Variants in B4GALNT2 observed in about 807,000 individuals in gnomAD.
B4GALNT2 encodes the protein N-acetylneuraminylgalactosylglucosyl-glucoside beta-1,4-N- acetylgalactosaminyltransferase 2.
In B4GALNT2, 42 loss-of-function variants were observed where a neutral mutation model predicts 51.1. That is an observed-to-expected ratio of 0.82 (90% confidence interval 0.64 to 1.06). B4GALNT2 has a LOEUF of 1.06. Among genes scored for constraint, B4GALNT2 ranks in the 50% least tolerant of loss-of-function variants. The probability of loss-of-function intolerance (pLI) is 0.00; values close to 1 mark genes in which losing one functional copy is unlikely to be tolerated. For missense variants in B4GALNT2, 602 were observed against 633.6 expected, an observed-to-expected ratio of 0.95 and a Z score of 0.54; for synonymous variants, 253 against 251.7, an observed-to-expected ratio of 1.01 and a Z score of -0.05.
intron 9 of B4GALNT2, 72 bp downstream of exon 9, chr17:49,166,326 A>G: frequency 9.9e-7 from 1 of 1,007,154 alleles, no homozygotes; most frequent in Non-Finnish European, 1.4e-6. Flanking sequence ...GAGAGCGGGA[A>G]GAAATATATA....
rs558137085 is a variant in B4GALNT2 at position 49,139,619 on chromosome 17, G to A, written c.15-1628G>A. ...ACAGCCTTGAACTCCTGGGCTCAAG[G>A]GATTCTCCTGACTTAGCCTCCTCAG... On this transcript the variant is annotated intron_variant, in intron 1 of 10. Transcript: ENST00000393354. Among the ~76,000 whole-genome samples, 14 of 152,216 alleles carry A rather than the reference G, an allele frequency of 9.2e-5. No individual in the cohort carries two copies. The South Asian group carries it at 2.9e-3, about 32-fold the overall frequency.
intron 3 of B4GALNT2, among the ~76,000 whole-genome samples, chr17:49,144,854 A>G (rs1435031124): frequency 6.6e-6 from 1 of 152,208 alleles, no homozygotes; most frequent in Non-Finnish European, 1.5e-5. Flanking sequence ...GCTGTCTGCA[A>G]GCTGAGGAGC....
At chr17:49,136,542 A>G in intron 1 of B4GALNT2, among the ~76,000 whole-genome samples, 1 of 150,788 alleles carries the variant, frequency 6.6e-6, no homozygotes, top group African/African-American at 2.4e-5. Context: ...TTATTTATTT[A>G]TTTATTTATT....
chr17:49,132,492 G>A, upstream of B4GALNT2: 1 of 362,192 alleles, frequency 2.8e-6, no homozygotes, highest in Non-Finnish European at 4.9e-6. Flanking sequence ...CGGGGACACA[G>A]CATAGCGAGG....
intron 1 of B4GALNT2, among the ~76,000 whole-genome samples, chr17:49,140,094 A>G (rs946159817): frequency 2.0e-5 from 3 of 149,926 alleles, no homozygotes; most frequent in Non-Finnish European, 4.4e-5. Flanking sequence ...AAAGCAAAAC[A>G]GGATTTTCTT....
intron 4 of B4GALNT2, among the ~76,000 whole-genome samples, chr17:49,155,864 A>G (rs948085117): frequency 3.3e-5 from 5 of 151,532 alleles, no homozygotes; most frequent in Admixed American, 3.3e-4. Flanking sequence ...CCGGGACTAC[A>G]GGCACCCGCC....
At position 49,133,336 on chromosome 17, in the gene B4GALNT2, G is replaced by T. The variant is rs2042558815; in HGVS notation, c.14+530G>T. The T allele has an allele frequency of 7.2e-6, 9 of 1,249,432 alleles. No individual in the cohort carries two copies. In the South Asian group the frequency reaches 1.3e-4, roughly 18 times the overall value. The allele number at this position is 1,249,432 out of a possible 1,614,324, so 77.4% of individuals were successfully genotyped here. A position where few individuals can be genotyped will look rare whatever the true frequency, so the allele number is the denominator to read the frequency against. On this transcript the variant is annotated intron_variant, in intron 1 of 10. Transcript: ENST00000393354. ...GAAAAGTCGGTTTTCAAATCCAGGC[G>T]CCCACCGCAGGGCAGAGTGAGCTGC...
At chr17:49,146,276 G>A (rs1414102849) in intron 3 of B4GALNT2, among the ~76,000 whole-genome samples, 1 of 152,112 alleles carries the variant, frequency 6.6e-6, no homozygotes. Flanking sequence ...TAAGACCAGT[G>A]AATTCCATGA....
intron 4 of B4GALNT2, among the ~76,000 whole-genome samples, chr17:49,155,575 C>T (rs1475431217): frequency 1.3e-5 from 2 of 149,266 alleles, no homozygotes; most frequent in African/African-American, 4.9e-5. Flanking sequence ...GCACTCCAGC[C>T]TGAGCGACAG....
At chr17:49,142,789 G>T (rs145656587) in intron 3 of B4GALNT2, among the ~76,000 whole-genome samples, 1 of 152,126 alleles carries the variant, frequency 6.6e-6, no homozygotes, top group African/African-American at 2.4e-5. Flanking sequence ...ATGCACCCAG[G>T]CCATCATAGC....
At chr17:49,158,132 A>G (rs1567863591) in intron 5 of B4GALNT2, among the ~76,000 whole-genome samples, 1 of 152,174 alleles carries the variant, frequency 6.6e-6, no homozygotes, top group Non-Finnish European at 1.5e-5. Flanking sequence ...TAGAGCAAGG[A>G]GGACTTCCCT....
upstream of B4GALNT2, among the ~76,000 whole-genome samples, chr17:49,131,414 G>A (rs1325531946): frequency 7.1e-6 from 1 of 141,030 alleles, no homozygotes; most frequent in African/African-American, 2.7e-5. Flanking sequence ...TGTAGATCAC[G>A]CTGGCATTTC....
At chr17:49,148,323 A>G (rs779071117) in intron 3 of B4GALNT2, 3 of 360,490 alleles carry the variant, frequency 8.3e-6, no homozygotes, top group Non-Finnish European at 1.6e-5. Context: ...AAACAAAACA[A>G]AAGTCCTCTC....
At chr17:49,164,389 C>G (rs183442176) in intron 8 of B4GALNT2, 114 bp downstream of exon 8, 1 of 963,398 alleles carries the variant, frequency 1.0e-6, no homozygotes, top group Non-Finnish European at 1.6e-6. Flanking sequence ...AAAGCAGAGT[C>G]CAGGAGTGGG....
chr17:49,132,680 G>A (rs2042550128), upstream of B4GALNT2: 1 of 1,297,842 alleles, frequency 7.7e-7, no homozygotes, highest in Non-Finnish European at 1.0e-6. Flanking sequence ...CAAGCGTCCT[G>A]CACCTGCCCT....
intron 3 of B4GALNT2, among the ~76,000 whole-genome samples, chr17:49,149,991 A>G (rs62079772): frequency 0.24 from 36,731 of 151,698 alleles, 4,704 homozygotes; most frequent in East Asian, 0.46. Context: ...AGTATGTTCC[A>G]TATGTTCATT....
rs1363193145 is a variant in B4GALNT2, at chr17:49,171,226, G to A, written c.*1498G>A. ...TCATGGTGAGCTAATTCTCACAGGA[G>A]TCAGGATCCGCACCTGCAGACTATA... On this transcript the variant is annotated 3_prime_UTR_variant, in exon 11 of 11. Coordinates refer to ENST00000393354, the MANE Select transcript of B4GALNT2 (RefSeq NM_001159387.2). 4.3e-6 allele frequency: 1 copy of A among 230,162 alleles called. No homozygotes were observed. The highest frequency in any genetic ancestry group is 4.8e-5 in the South Asian group (1 of 20,978). 14.3% of individuals were successfully genotyped at this position (230,162 alleles called of 1,614,324 possible).
At chr17:49,143,581 G>A (rs893076272) in intron 3 of B4GALNT2, among the ~76,000 whole-genome samples, 2 of 152,144 alleles carry the variant, frequency 1.3e-5, no homozygotes, top group Admixed American at 6.5e-5. Context: ...GAAGGGAAAG[G>A]GTGCATCAGA....
chr17:49,147,966 T>TTATATATATA lies in B4GALNT2; in HGVS notation c.354-4824_354-4815dup, dbSNP rs140831657. Among the ~76,000 whole-genome samples, 421 of 147,708 alleles carry TTATATATATA rather than the reference T, an allele frequency of 2.9e-3. 2 individuals carry two copies. The highest frequency in any genetic ancestry group is 1.0e-2 in the African/African-American group (401 of 40,154). Reference sequence around the variant, plus strand: ...CTCTGAAATTTGTTTTTTTATTCAATTATATATATATATATATATTTCAGA... The same window carrying TTATATATATA: ...CTCTGAAATTTGTTTTTTTATTCAATTATATATATATATATATATATATATATATTTCAGA... On this transcript the variant is annotated intron_variant, in intron 3 of 10. Coordinates refer to ENST00000393354, the MANE Select transcript of B4GALNT2 (RefSeq NM_001159387.2).
Sources: allele counts gnomAD v4.1 joint callset (sites outside exome capture counted in the v4.1 genomes callset), GRCh38; gene constraint gnomAD v4.1.1; transcripts MANE v1.5; gene names NCBI Gene and HGNC (gene_info 2026-07-23, HGNC 2026-07-21).